CELSR1: variants seen among roughly 807,000 people sequenced by gnomAD.
CELSR1 encodes adhesion G protein-coupled receptor C1.
In CELSR1, 110 loss-of-function variants were observed where a neutral mutation model predicts 249.1. The ratio of observed to expected loss-of-function variants is 0.44; its 90% CI spans 0.38 to 0.52. The LOEUF is 0.52. CELSR1 is among the 20% of genes least tolerant of loss of function. CELSR1 has a pLI of 0.00. For synonymous variants in CELSR1, 2,113 were observed against 1,900.0 expected (o/e 1.11, Z -2.92); for missense variants, 4,109 against 4,296.4 (o/e 0.96, Z 1.22).
chr22:46,439,470 A>C, intron 2 of CELSR1, 59 bp from the exon 3 acceptor site: 1 of 1,458,628 alleles, frequency 6.9e-7, no homozygotes, highest in Non-Finnish European at 9.3e-7. Flanking sequence ...GGAAAAGCCA[A>C]CGAGCCTGTC....
chr22:46,403,298 C>G (rs1440814758), intron 9 of CELSR1, among the ~76,000 whole-genome samples: 1 of 151,730 alleles, frequency 6.6e-6, no homozygotes, highest in East Asian at 1.9e-4. Context: ...CCTGTAATCC[C>G]AGCACTTTGG....
In CELSR1 at chr22:46,384,655, G is replaced by C. The variant is rs199523078; in HGVS notation, c.6771C>G (p.Asn2257Lys). 11 of 1,613,434 alleles carry C rather than the reference G, an allele frequency of 6.8e-6. No individual in the cohort carries two copies. The East Asian group carries it at 1.3e-4, about 20-fold the overall frequency. ...ILAVDIFDKFNFTGARVPRFD... is the reference protein window; with the variant it reads ...ILAVDIFDKFKFTGARVPRFD... ...ATCGCGGGACCCTGGCTCCCGTAAAGTTGAACTTGTCAAAGATGTCGACAG... is the reference window on the plus strand; with the variant it reads ...ATCGCGGGACCCTGGCTCCCGTAAACTTGAACTTGTCAAAGATGTCGACAG... Residue 2257 changes from asparagine (N) to lysine (K), a missense_variant, in exon 20 of 35, where the codon AAC becomes AAG. Transcript: ENST00000674500.
At position 46,533,706 on chromosome 22, in the gene CELSR1, G is replaced by C; in HGVS notation, c.3465C>G (p.Pro1155=). ...GNELRLLLLD[P]ATGELQLSRD... ...GGCTGAGCTGCAGTTCGCCCGTGGC[G>C]GGGTCCAGCAGCAACAGGCGCAGCT... Residue 1155 remains proline (P), a synonymous_variant, in exon 1 of 35, where the codon CCC becomes CCG. Coordinates refer to ENST00000674500, the MANE Select transcript of CELSR1 (RefSeq NM_001378328.1). The C allele has an allele frequency of 1.2e-6, 2 of 1,612,272 alleles. No individual in the cohort carries two copies. Among genetic ancestry groups the C allele is most frequent in the South Asian group, 2.2e-5 (2 of 91,042 alleles).
chr22:46,437,171 G>A lies in CELSR1; in HGVS notation c.4407-882C>T, dbSNP rs191317334. ...CACGCTGAGCAAAAACCACCTGCTC[G>A]GGCAGGAGATCATCAAATTCTCAGA... On this transcript the variant is annotated intron_variant, in intron 3 of 34. Transcript: ENST00000674500. The surrounding 1 kb of genome is among the most constrained non-coding windows in gnomAD (Gnocchi z 4.9). 1.2e-4 allele frequency among the ~76,000 whole-genome samples: 18 copies of A among 152,256 alleles called. No individual in the cohort carries two copies. Among genetic ancestry groups the A allele is most frequent in the Non-Finnish European group, 2.5e-4 (17 of 68,016 alleles).
rs1027164691 is a variant in CELSR1 at position 46,446,006 on chromosome 22, C to A, written c.4184-6595G>T. On this transcript the variant is annotated intron_variant, in intron 2 of 34. Coordinates refer to ENST00000674500, the MANE Select transcript of CELSR1 (RefSeq NM_001378328.1). The surrounding 1 kb of genome is among the most constrained non-coding windows in gnomAD (Gnocchi z 5.5). The stretch of plus-strand genomic sequence containing the variant: ...CCAGACCTACTTGTCCCTTGCCTCG[C>A]GACAGCACAGTCCTCCACAACGCTG... 2.6e-5 allele frequency among the ~76,000 whole-genome samples: 4 copies of A among 152,178 alleles called. No homozygotes were observed. The highest frequency in any genetic ancestry group is 9.6e-5 in the African/African-American group (4 of 41,462).
chr22:46,516,751 C>G (rs1407954520), intron 1 of CELSR1, among the ~76,000 whole-genome samples: 1 of 152,178 alleles, frequency 6.6e-6, no homozygotes, highest in Admixed American at 6.5e-5. Context: ...AAAGTCCATT[C>G]CCTCCACTTC....
chr22:46,394,054 G>T, intron 14 of CELSR1, 88 bp downstream of exon 14: 1 of 1,510,302 alleles, frequency 6.6e-7, no homozygotes, highest in East Asian at 2.3e-5. Flanking sequence ...TACCGACAGG[G>T]TATGTGAAGG....
intron 2 of CELSR1, among the ~76,000 whole-genome samples, chr22:46,453,316 C>G (rs754313195): frequency 2.0e-5 from 3 of 152,186 alleles, no homozygotes; most frequent in Non-Finnish European, 4.4e-5. Context: ...TCACTCATCA[C>G]GAGAAAAGGC....
At chr22:46,508,254 G>A (rs13055761) in intron 1 of CELSR1, among the ~76,000 whole-genome samples, 11,955 of 151,078 alleles carry the variant, frequency 0.079, 689 homozygotes, top group Non-Finnish European at 0.12. Context: ...ACTGGCCCCC[G>A]CGGGACAGAA....
intron 2 of CELSR1, among the ~76,000 whole-genome samples, chr22:46,453,112 G>A (rs1004050510): frequency 2.6e-5 from 4 of 152,214 alleles, no homozygotes; most frequent in Non-Finnish European, 5.9e-5. Context: ...AGGTTGGGGG[G>A]CCTGGATGTG....
chr22:46,380,177 G>A lies in CELSR1; in HGVS notation c.7256+611C>T, dbSNP rs189291515. Among the ~76,000 whole-genome samples the A allele has an allele frequency of 4.6e-5, 7 of 152,300 alleles. No homozygotes were observed. The East Asian group carries it at 1.3e-3, about 29-fold the overall frequency. On this transcript the variant is annotated intron_variant, in intron 22 of 34. Coordinates refer to ENST00000674500, the MANE Select transcript of CELSR1 (RefSeq NM_001378328.1). The surrounding 1 kb of genome is among the most constrained non-coding windows in gnomAD (Gnocchi z 5.1). Reference sequence around the variant, plus strand: ...TTTTGCATTTTTCTAACGACGAAACGCCTTTCCCTCGCTTGCATGGATGCT... The same window carrying A: ...TTTTGCATTTTTCTAACGACGAAACACCTTTCCCTCGCTTGCATGGATGCT...
intron 19 of CELSR1, among the ~76,000 whole-genome samples, chr22:46,385,567 C>T (rs1234802645): frequency 2.0e-5 from 3 of 152,198 alleles, no homozygotes; most frequent in Admixed American, 1.3e-4. Context: ...GGCCCAACAT[C>T]TCCCTAGCCC....
At chr22:46,522,631 G>A (rs1172191966) in intron 1 of CELSR1, among the ~76,000 whole-genome samples, 2 of 152,140 alleles carry the variant, frequency 1.3e-5, no homozygotes, top group Admixed American at 1.3e-4. Context: ...TTTTTAAATG[G>A]GATACTTTCT....
chr22:46,536,365 G>T lies in CELSR1; in HGVS notation c.806C>A (p.Ala269Glu). The stretch of plus-strand genomic sequence containing the variant: ...CTCCTCGCCCTCGATGGTGTAGTGC[G>T]CGTGCAGCTGGAGGATGAGGGTGCC... ...PAGTLILQLHAHYTIEGEEER... is the reference protein window; with the variant it reads ...PAGTLILQLHEHYTIEGEEER... Residue 269 changes from alanine (A) to glutamate (E), a missense_variant, in exon 1 of 35, where the codon GCG (alanine) becomes GAG (glutamate). Physicochemically the swap from Ala to Glu is moderately radical, Grantham distance 107. Transcript: ENST00000674500. 6.2e-7 allele frequency: 1 copy of T among 1,612,264 alleles called. No homozygotes were observed. The highest frequency in any genetic ancestry group is 2.2e-5 in the East Asian group (1 of 44,848).
chr22:46,436,095 G>T lies in CELSR1; in HGVS notation c.4522+79C>A. The T allele has an allele frequency of 9.0e-7, 1 of 1,107,764 alleles. No individual in the cohort carries two copies. The highest frequency in any genetic ancestry group is 1.4e-6 in the Non-Finnish European group (1 of 738,240). The allele number at this position is 1,107,764 out of a possible 1,614,324, so 68.6% of individuals were successfully genotyped here. A position where few individuals can be genotyped will look rare whatever the true frequency, so the allele number is the denominator to read the frequency against. ...AAAGGGTAAGCAGCTTGGAGGCGCT[G>T]CACAGGGCGAGGGTCGTTTTAACCC... On this transcript the variant is annotated intron_variant, in intron 4 of 34. Coordinates refer to ENST00000674500, the MANE Select transcript of CELSR1 (RefSeq NM_001378328.1). This position sits in a 1 kb window ranked among gnomAD's most constrained non-coding sequence, Gnocchi z 5.9.
At chr22:46,416,237 G>A (rs879630980) in intron 5 of CELSR1, among the ~76,000 whole-genome samples, 3 of 152,232 alleles carry the variant, frequency 2.0e-5, no homozygotes, top group Non-Finnish European at 2.9e-5. Flanking sequence ...GGTTGTGTCT[G>A]AGTTTTTTCT....
rs1204788882 is a variant in CELSR1, at chr22:46,518,461, T to C, written c.3544+15166A>G. Among the ~76,000 whole-genome samples, 1 of 152,182 alleles carries C rather than the reference T, an allele frequency of 6.6e-6. No homozygotes were observed. The highest frequency in any genetic ancestry group is 1.5e-5 in the Non-Finnish European group (1 of 68,028). On this transcript the variant is annotated intron_variant, in intron 1 of 34. Coordinates refer to ENST00000674500, the MANE Select transcript of CELSR1 (RefSeq NM_001378328.1). The surrounding 1 kb of genome is among the most constrained non-coding windows in gnomAD (Gnocchi z 5.2). ...CGGGTGGACAGACTGCAGATCCCAC[T>C]GAGAAGGGAGGCCTCGGTTATCTGA...
rs1253383353 is a variant in CELSR1, at chr22:46,406,688, T to C, written c.5226+2308A>G. 6.6e-6 allele frequency among the ~76,000 whole-genome samples: 1 copy of C among 152,232 alleles called. No homozygotes were observed. The highest frequency in any genetic ancestry group is 1.5e-5 in the Non-Finnish European group (1 of 68,040). On this transcript the variant is annotated intron_variant, in intron 9 of 34. Coordinates refer to ENST00000674500, the MANE Select transcript of CELSR1 (RefSeq NM_001378328.1). The surrounding 1 kb of genome is among the most constrained non-coding windows in gnomAD (Gnocchi z 5.4). ...TCCTTAGGAGTGACAGAGAAGGGCC[T>C]GTGGCTGTCCCAGGAACCTGGGCAG...
At chr22:46,459,954 C>G (rs988992947) in intron 2 of CELSR1, among the ~76,000 whole-genome samples, 3 of 152,236 alleles carry the variant, frequency 2.0e-5, no homozygotes, top group Admixed American at 6.5e-5. Context: ...CGCCTGTAAA[C>G]CCAACACTTT....
Sources: gnomAD v4.1 joint callset for allele counts (sites outside exome capture counted in the v4.1 genomes callset) on GRCh38, gnomAD v4.1.1 for gene constraint, Gnocchi (gnomAD v3.1) non-coding constraint, MANE v1.5 for transcripts, NCBI Gene and HGNC (gene_info 2026-07-23, HGNC 2026-07-21) for gene names.